Variants in CNTNAP4 observed in about 807,000 individuals in gnomAD.
CNTNAP4 encodes the protein contactin-associated protein-like 4.
Under a neutral mutation model 148.4 loss-of-function variants are expected in CNTNAP4, and 98 were observed. The ratio of observed to expected loss-of-function variants is 0.66; its 90% CI spans 0.56 to 0.78. The LOEUF is 0.78. Among genes scored for constraint, CNTNAP4 ranks in the 30% least tolerant of loss-of-function variants. The pLI is 0.00. For synonymous variants in CNTNAP4, 730 were observed against 565.1 expected, an observed-to-expected ratio of 1.29 and a Z score of -4.14; for missense variants, 1,935 against 1,565.6, an observed-to-expected ratio of 1.24 and a Z score of -3.98.
intron 1 of CNTNAP4, among the ~76,000 whole-genome samples, chr16:76,315,654 G>A (rs2094289696): frequency 6.6e-6 from 1 of 152,150 alleles, no homozygotes. Context: ...GAGTGCAGTG[G>A]TGTGATCTCG....
Position 76,363,570 on chromosome 16 carries a change from G to A in CNTNAP4, c.390+8059G>A, listed in dbSNP as rs12935398. The stretch of plus-strand genomic sequence containing the variant: ...AAAAAACGTACAGAAACAGCTTCAC[G>A]ACATTGGTCTTGGTAATGCATAAAT... On this transcript the variant is annotated intron_variant, in intron 3 of 23. Coordinates refer to ENST00000611870, the MANE Select transcript of CNTNAP4 (RefSeq NM_033401.5). 7.2e-5 allele frequency among the ~76,000 whole-genome samples: 11 copies of A among 151,888 alleles called. No homozygotes were observed. The East Asian group carries it at 1.7e-3, about 24-fold the overall frequency.
chr16:76,455,482 C>T (rs1468815040), intron 8 of CNTNAP4, among the ~76,000 whole-genome samples: 1 of 152,178 alleles, frequency 6.6e-6, no homozygotes, highest in Non-Finnish European at 1.5e-5. Flanking sequence ...CCATTTTTGT[C>T]AATCCACCTT....
intron 1 of CNTNAP4, among the ~76,000 whole-genome samples, chr16:76,293,835 T>TAAA (rs201927804): frequency 5.5e-4 from 81 of 146,078 alleles, no homozygotes; most frequent in African/African-American, 5.7e-4. Flanking sequence ...TTTTTTTTTT[T>TAAA]AAAAAAAAGG....
At chr16:76,383,193 C>A (rs1325909246) in intron 3 of CNTNAP4, among the ~76,000 whole-genome samples, 1 of 151,352 alleles carries the variant, frequency 6.6e-6, no homozygotes, top group African/African-American at 2.4e-5. Context: ...TGGAAGCACT[C>A]CAGGTCAGCA....
At chr16:76,440,774 G>A (rs114689993) in intron 4 of CNTNAP4, among the ~76,000 whole-genome samples, 1 of 152,070 alleles carries the variant, frequency 6.6e-6, no homozygotes, top group Non-Finnish European at 1.5e-5. Flanking sequence ...TTTTCCATTG[G>A]TTCCAATATA....
At chr16:76,544,607 C>A (rs1469174017) in intron 21 of CNTNAP4, among the ~76,000 whole-genome samples, 2 of 152,056 alleles carry the variant, frequency 1.3e-5, no homozygotes, top group Non-Finnish European at 2.9e-5. Context: ...AGTTCAGATC[C>A]TCTCATAATC....
At chr16:76,537,988 A>C (rs2144265744) in intron 18 of CNTNAP4, 128 bp from the exon 19 acceptor site, 1 of 357,840 alleles carries the variant, frequency 2.8e-6, no homozygotes, top group South Asian at 1.2e-4. Flanking sequence ...TTATTATTTG[A>C]TTCTATTTTG....
intron 15 of CNTNAP4, among the ~76,000 whole-genome samples, chr16:76,503,343 G>A (rs1026627934): frequency 6.6e-6 from 1 of 152,068 alleles, no homozygotes; most frequent in Non-Finnish European, 1.5e-5. Context: ...TGGCAAATCA[G>A]GTTGCCATTA....
chr16:76,293,994 T>G (rs1470072203), intron 1 of CNTNAP4, among the ~76,000 whole-genome samples: 1 of 152,184 alleles, frequency 6.6e-6, no homozygotes, highest in African/African-American at 2.4e-5. Context: ...AGAAAGTCCC[T>G]GTCTGTCTAT....
intron 3 of CNTNAP4, among the ~76,000 whole-genome samples, chr16:76,404,718 A>G (rs543341878): frequency 6.6e-6 from 1 of 152,166 alleles, no homozygotes; most frequent in Non-Finnish European, 1.5e-5. Flanking sequence ...ATTAATAGAC[A>G]TAGTAAAGAT....
chr16:76,331,541 A>C (rs1173134536), intron 2 of CNTNAP4, among the ~76,000 whole-genome samples: 2 of 151,560 alleles, frequency 1.3e-5, no homozygotes, highest in Non-Finnish European at 2.9e-5. Context: ...TGGGAATTAG[A>C]AATAATCTCT....
At chr16:76,525,333 A>G (rs930267981) in intron 17 of CNTNAP4, among the ~76,000 whole-genome samples, 1 of 151,672 alleles carries the variant, frequency 6.6e-6, no homozygotes, top group African/African-American at 2.4e-5. Context: ...TAAAACACCT[A>G]CTAGGACCAA....
intron 12 of CNTNAP4, among the ~76,000 whole-genome samples, chr16:76,485,271 C>T (rs1280159054): frequency 1.3e-5 from 2 of 152,128 alleles, no homozygotes; most frequent in African/African-American, 4.8e-5. Flanking sequence ...GCATGCACCA[C>T]CACGCCCAGC....
At chr16:76,314,670 CT>C (rs1379858301) in intron 1 of CNTNAP4, among the ~76,000 whole-genome samples, 7 of 152,144 alleles carry the variant, frequency 4.6e-5, no homozygotes, top group Non-Finnish European at 1.5e-5. Flanking sequence ...AATCGGTTCC[CT>C]TAACCATAAG....
chr16:76,488,118 A>G (rs2082089631), intron 12 of CNTNAP4, among the ~76,000 whole-genome samples: 1 of 152,186 alleles, frequency 6.6e-6, no homozygotes, highest in South Asian at 2.1e-4. Context: ...TAAACTTCCG[A>G]TAGCCAAGGT....
intron 1 of CNTNAP4, among the ~76,000 whole-genome samples, chr16:76,278,475 G>C (rs1037729816): frequency 3.9e-5 from 6 of 152,128 alleles, no homozygotes; most frequent in African/African-American, 1.4e-4. Flanking sequence ...AACCTATTTA[G>C]GGAAGATTGA....
At chr16:76,292,527 C>A (rs1959156087) in intron 1 of CNTNAP4, among the ~76,000 whole-genome samples, 1 of 150,756 alleles carries the variant, frequency 6.6e-6, no homozygotes, top group African/African-American at 2.4e-5. Flanking sequence ...GTGCCTGTGG[C>A]CTCTGATAGG....
intron 17 of CNTNAP4, among the ~76,000 whole-genome samples, chr16:76,523,902 C>G (rs2083597947): frequency 6.6e-6 from 1 of 152,246 alleles, no homozygotes; most frequent in South Asian, 2.1e-4. Context: ...TGCACTCCAT[C>G]CTGGGTGACA....
intron 3 of CNTNAP4, among the ~76,000 whole-genome samples, chr16:76,407,619 G>T (rs1171891839): frequency 6.6e-6 from 1 of 152,088 alleles, no homozygotes; most frequent in Non-Finnish European, 1.5e-5. Flanking sequence ...GCCTAAAGAT[G>T]TGACTGAATT....
Sources: gnomAD v4.1 joint callset for allele counts (sites outside exome capture counted in the v4.1 genomes callset) on GRCh38, gnomAD v4.1.1 for gene constraint, MANE v1.5 for transcripts, NCBI Gene and HGNC (gene_info 2026-07-23, HGNC 2026-07-21) for gene names.